Variants in EPB41L4A observed in about 807,000 individuals in gnomAD.
EPB41L4A encodes the protein band 4.1-like protein 4A.
Under a neutral mutation model 108.6 loss-of-function variants are expected in EPB41L4A, and 100 were observed. That is an observed-to-expected ratio of 0.92 (90% CI 0.78 to 1.09). The LOEUF (loss-of-function observed/expected upper bound fraction) is 1.09, where lower values mean the gene tolerates loss of function less well. Among genes scored for constraint, EPB41L4A ranks in the 50% least tolerant of loss-of-function variants. The pLI is 0.00. For missense variants in EPB41L4A, 1,030 were observed against 842.7 expected (o/e 1.22, Z -2.75); for synonymous variants, 319 against 289.0 (o/e 1.10, Z -1.05).
chr5:112,402,103 G>A (rs548522068), intron 1 of EPB41L4A, among the ~76,000 whole-genome samples: 1 of 152,202 alleles, frequency 6.6e-6, no homozygotes, highest in African/African-American at 2.4e-5. Flanking sequence ...TTGGAGGAGG[G>A]GCCTGGTGGG....
At chr5:112,330,980 G>A (rs1260946040) in intron 1 of EPB41L4A, among the ~76,000 whole-genome samples, 2 of 152,054 alleles carry the variant, frequency 1.3e-5, no homozygotes, top group African/African-American at 4.8e-5. Context: ...AGGTCAACAG[G>A]CCATCTTCCG....
chr5:112,339,522 A>ATCTATC (rs1336761373), intron 1 of EPB41L4A, among the ~76,000 whole-genome samples: 1 of 35,804 alleles, frequency 2.8e-5, no homozygotes, highest in Non-Finnish European at 6.4e-5. Flanking sequence ...ATATATAGAT[A>ATCTATC]TATATCTATA....
chr5:112,148,878 A>T (rs1759362695), intron 12 of EPB41L4A, among the ~76,000 whole-genome samples: 1 of 152,214 alleles, frequency 6.6e-6, no homozygotes, highest in Non-Finnish European at 1.5e-5. Flanking sequence ...ATTTACTTTA[A>T]GACTAAGGTC....
chr5:112,294,338 C>T (rs1053308632), intron 2 of EPB41L4A, among the ~76,000 whole-genome samples: 3 of 152,148 alleles, frequency 2.0e-5, no homozygotes, highest in Non-Finnish European at 2.9e-5. Context: ...TCCCAGTGAG[C>T]GGCCCACACA....
At chr5:112,369,803 G>T (rs769803815) in intron 1 of EPB41L4A, among the ~76,000 whole-genome samples, 24 of 152,140 alleles carry the variant, frequency 1.6e-4, no homozygotes, top group Non-Finnish European at 2.9e-4. Context: ...CACTACTTCA[G>T]ACTGGAACAA....
chr5:112,299,613 T>G (rs377475351), intron 2 of EPB41L4A, among the ~76,000 whole-genome samples: 1 of 152,206 alleles, frequency 6.6e-6, no homozygotes, highest in African/African-American at 2.4e-5. Context: ...GAGACCAGCC[T>G]GGCCAACATG....
At chr5:112,325,179 C>T (rs751345037) in intron 1 of EPB41L4A, among the ~76,000 whole-genome samples, 7 of 152,186 alleles carry the variant, frequency 4.6e-5, no homozygotes, top group Non-Finnish European at 8.8e-5. Context: ...CGGTGGCTCA[C>T]GCCTGTAATC....
intron 18 of EPB41L4A, among the ~76,000 whole-genome samples, chr5:112,174,763 T>G (rs1760775630): frequency 6.6e-6 from 1 of 152,190 alleles, no homozygotes; most frequent in South Asian, 2.1e-4. Context: ...ATGGCAGTAT[T>G]TTACTCTTTT....
intron 1 of EPB41L4A, among the ~76,000 whole-genome samples, chr5:112,389,328 G>A (rs1760775526): frequency 6.6e-6 from 1 of 152,134 alleles, no homozygotes; most frequent in Admixed American, 6.5e-5. Context: ...CCACTGTTTT[G>A]GACTAAGCTC....
At chr5:112,289,715 A>G (rs1753526515) in intron 2 of EPB41L4A, among the ~76,000 whole-genome samples, 1 of 152,208 alleles carries the variant, frequency 6.6e-6, no homozygotes, top group Non-Finnish European at 1.5e-5. Flanking sequence ...CAGCACACAC[A>G]TGACTGAGAC....
At chr5:112,247,684 T>C (rs1391355893) in intron 9 of EPB41L4A, among the ~76,000 whole-genome samples, 1 of 152,200 alleles carries the variant, frequency 6.6e-6, no homozygotes, top group African/African-American at 2.4e-5. Context: ...TCCTGAATTC[T>C]TACAAATGAT....
chr5:112,304,241 C>T (rs1014995563), intron 2 of EPB41L4A, among the ~76,000 whole-genome samples: 44 of 152,136 alleles, frequency 2.9e-4, no homozygotes, highest in African/African-American at 9.4e-4. Context: ...CTCAATGCCA[C>T]GTTGATTTCC....
intron 1 of EPB41L4A, among the ~76,000 whole-genome samples, chr5:112,347,627 A>G (rs917398512): frequency 2.6e-5 from 4 of 152,180 alleles, no homozygotes; most frequent in African/African-American, 9.6e-5. Context: ...CCGGTAACAG[A>G]ATTCTCTTCT....
chr5:112,159,901 CTTTTT>C (rs540095907), downstream of EPB41L4A, among the ~76,000 whole-genome samples: 4 of 130,368 alleles, frequency 3.1e-5, no homozygotes, highest in African/African-American at 5.9e-5. Flanking sequence ...TTTCTTTTTA[CTTTTT>C]TTTTTTTTTT....
At chr5:112,293,145 C>T (rs1753758017) in intron 2 of EPB41L4A, among the ~76,000 whole-genome samples, 2 of 151,944 alleles carry the variant, frequency 1.3e-5, no homozygotes, top group South Asian at 4.2e-4. Context: ...GACATTTCTA[C>T]CATTCCTGAT....
chr5:112,144,710 C>G (rs911329949), intron 13 of EPB41L4A, among the ~76,000 whole-genome samples: 6 of 152,172 alleles, frequency 3.9e-5, no homozygotes, highest in African/African-American at 1.2e-4. Flanking sequence ...TCATTTATAT[C>G]TAAATTGGGT....
At chr5:112,223,914 A>C (rs1748259769) in intron 12 of EPB41L4A, among the ~76,000 whole-genome samples, 1 of 151,758 alleles carries the variant, frequency 6.6e-6, no homozygotes, top group Non-Finnish European at 1.5e-5. Context: ...GGTTAAAGTT[A>C]ACTTTATTCA....
At chr5:112,282,337 T>C (rs1753015102) in intron 2 of EPB41L4A, among the ~76,000 whole-genome samples, 1 of 152,212 alleles carries the variant, frequency 6.6e-6, no homozygotes, top group Non-Finnish European at 1.5e-5. Context: ...CCATTCATGT[T>C]AAACAAAAAG....
At chr5:112,417,388 A>G (rs1053673685) in intron 1 of EPB41L4A, among the ~76,000 whole-genome samples, 1 of 152,206 alleles carries the variant, frequency 6.6e-6, no homozygotes, top group African/African-American at 2.4e-5. Context: ...TTGCACTTCA[A>G]AAAGATTTCT....
Sources: gnomAD v4.1 joint callset for allele counts (sites outside exome capture counted in the v4.1 genomes callset) on GRCh38, gnomAD v4.1.1 for gene constraint, MANE v1.5 for transcripts, NCBI Gene and HGNC (gene_info 2026-07-23, HGNC 2026-07-21) for gene names.